The following VIT variants were observed in gnomAD, a reference collection of about 807,000 sequenced individuals.
The protein encoded by VIT is vitrin.
In VIT, 99 loss-of-function variants were observed where a neutral mutation model predicts 78.0. The ratio of observed to expected loss-of-function variants is 1.27; its 90% CI spans 1.08 to 1.50. The LOEUF (loss-of-function observed/expected upper bound fraction) is 1.50, where lower values mean the gene tolerates loss of function less well. VIT is among the 40% of genes most tolerant of loss of function. The pLI is 0.00. For missense variants in VIT, 1,126 were observed against 875.3 expected (o/e 1.29, Z -3.61); for synonymous variants, 374 against 334.3 (o/e 1.12, Z -1.29).
intron 1 of VIT, among the ~76,000 whole-genome samples, chr2:36,706,152 T>C (rs1415850020): frequency 6.6e-6 from 1 of 152,216 alleles, no homozygotes; most frequent in African/African-American, 2.4e-5. Context: ...CTGCGACAGC[T>C]CACAGGATTT....
At chr2:36,742,691 A>G (rs1041289096) in intron 3 of VIT, among the ~76,000 whole-genome samples, 1 of 152,148 alleles carries the variant, frequency 6.6e-6, no homozygotes, top group Admixed American at 6.5e-5. Context: ...CTCCCACCGT[A>G]TGCCCTTCCT....
chr2:36,760,044 G>C (rs992562625), intron 6 of VIT, among the ~76,000 whole-genome samples: 9 of 151,226 alleles, frequency 6.0e-5, no homozygotes, highest in Non-Finnish European at 1.2e-4. Context: ...TGCCAGGCTG[G>C]AGTGCAGTGG....
intron 4 of VIT, among the ~76,000 whole-genome samples, chr2:36,747,177 T>A (rs1668185968): frequency 6.6e-6 from 1 of 152,202 alleles, no homozygotes; most frequent in South Asian, 2.1e-4. Flanking sequence ...TTGGTGTGAT[T>A]TCAAATTTTT....
At chr2:36,808,069 C>T (rs1408713089) in intron 14 of VIT, among the ~76,000 whole-genome samples, 3 of 152,214 alleles carry the variant, frequency 2.0e-5, no homozygotes, top group South Asian at 2.1e-4. Flanking sequence ...CATCTCTTTT[C>T]CGAACTGGAA....
chr2:36,811,148 T>A (rs1667137716), intron 15 of VIT, among the ~76,000 whole-genome samples: 1 of 152,180 alleles, frequency 6.6e-6, no homozygotes, highest in African/African-American at 2.4e-5. Flanking sequence ...GCTGGTGGCC[T>A]GCATGCCAAC....
At chr2:36,774,460 A>C in intron 8 of VIT, 1 of 977,340 alleles carries the variant, frequency 1.0e-6, no homozygotes, top group Non-Finnish European at 1.2e-6. Context: ...AGCCCGGTCT[A>C]TGAGCTGATA....
At position 36,769,515 on chromosome 2, in the gene VIT, A is replaced by T. The variant is rs546701292; in HGVS notation, c.679+2230A>T. 3.9e-5 allele frequency among the ~76,000 whole-genome samples: 6 copies of T among 152,348 alleles called. No homozygotes were observed. In the South Asian group the frequency reaches 1.2e-3, roughly 32 times the overall value. On this transcript the variant is annotated intron_variant, in intron 7 of 15. Coordinates refer to ENST00000379242, the MANE Select transcript of VIT (RefSeq NM_053276.4). ...GACTGCTAGACAAACGCTCGGAGCA[A>T]GCAAGCCATGAAGCATGCACCACAA... is the stretch of plus-strand genomic sequence containing the variant.
intron 1 of VIT, among the ~76,000 whole-genome samples, chr2:36,697,400 G>C (rs897832324): frequency 3.9e-5 from 6 of 152,180 alleles, no homozygotes; most frequent in Non-Finnish European, 7.3e-5. Context: ...ATGAGAAATG[G>C]GCACATTGGT....
intron 9 of VIT, among the ~76,000 whole-genome samples, chr2:36,777,306 A>T (rs1670134762): frequency 6.6e-6 from 1 of 151,794 alleles, no homozygotes; most frequent in African/African-American, 2.4e-5. Flanking sequence ...AGAGTGCCTT[A>T]AATTTGAGAG....
At chr2:36,788,476 A>T (rs1360107285) in intron 12 of VIT, among the ~76,000 whole-genome samples, 5 of 152,222 alleles carry the variant, frequency 3.3e-5, no homozygotes, top group African/African-American at 1.2e-4. Context: ...AAATTAATAG[A>T]TGAGTTAACT....
At chr2:36,760,544 C>T (rs764671028) in intron 6 of VIT, among the ~76,000 whole-genome samples, 3 of 152,142 alleles carry the variant, frequency 2.0e-5, no homozygotes, top group Non-Finnish European at 2.9e-5. Flanking sequence ...TCTGAGATAT[C>T]GCTTGTCCTC....
chr2:36,760,800 G>C (rs576851192), intron 6 of VIT, among the ~76,000 whole-genome samples: 3 of 152,288 alleles, frequency 2.0e-5, no homozygotes, highest in African/African-American at 7.2e-5. Context: ...CCTGGTTCCA[G>C]CAGCCCCCTG....
At chr2:36,788,826 A>G (rs911811056) in intron 12 of VIT, among the ~76,000 whole-genome samples, 2 of 152,228 alleles carry the variant, frequency 1.3e-5, no homozygotes, top group Non-Finnish European at 2.9e-5. Flanking sequence ...TTATAGTATA[A>G]TATGAAAATA....
At chr2:36,756,573 T>C (rs12053072) in intron 5 of VIT, among the ~76,000 whole-genome samples, 56,614 of 152,018 alleles carry the variant, frequency 0.37, 11,305 homozygotes, top group Non-Finnish European at 0.45. Context: ...AACAGACCTT[T>C]TACTATTCTT....
At chr2:36,778,543 A>G (rs775049645) in intron 9 of VIT, among the ~76,000 whole-genome samples, 3 of 152,232 alleles carry the variant, frequency 2.0e-5, no homozygotes, top group Non-Finnish European at 4.4e-5. Flanking sequence ...AAAGGCTGCC[A>G]GGTTTCCCAA....
At chr2:36,803,137 G>A (rs1241661591) in intron 13 of VIT, among the ~76,000 whole-genome samples, 4 of 152,100 alleles carry the variant, frequency 2.6e-5, no homozygotes, top group Non-Finnish European at 2.9e-5. Context: ...CCACAACATG[G>A]ATCTCCACAC....
chr2:36,729,643 C>T, intron 3 of VIT, 152 bp downstream of exon 3: 1 of 756,170 alleles, frequency 1.3e-6, no homozygotes, highest in Non-Finnish European at 2.1e-6. Context: ...AAGTCTTATC[C>T]CCTACCACAT....
At chr2:36,810,328 A>AAAAATTTCT (rs1395989634) in intron 15 of VIT, among the ~76,000 whole-genome samples, 2 of 152,268 alleles carry the variant, frequency 1.3e-5, no homozygotes, top group Non-Finnish European at 2.9e-5. Context: ...ATGTCCACAT[A>AAAAATTTCT]AAAATTTCTA....
rs1405588965 is a variant in VIT, at chr2:36,781,665, C to G, written c.803-62C>G. ...AACCTTATCATCCCGGCAATTCACT[C>G]AAGAGTTTCTGCTGGTTTGGTTTAA... On this transcript the variant is annotated intron_variant, in intron 9 of 15. Transcript: ENST00000379242. 9 of 1,581,316 alleles carry G rather than the reference C, an allele frequency of 5.7e-6. No individual in the cohort carries two copies. In the East Asian group the frequency reaches 1.1e-4, roughly 20 times the overall value.
Sources: allele counts gnomAD v4.1 joint callset (sites outside exome capture counted in the v4.1 genomes callset), GRCh38; gene constraint gnomAD v4.1.1; transcripts MANE v1.5; gene names NCBI Gene and HGNC (gene_info 2026-07-23, HGNC 2026-07-21).